The following SIRPG variants were observed in gnomAD, a reference collection of about 807,000 sequenced individuals.
SIRPG encodes signal-regulatory protein gamma.
Under a neutral mutation model 35.7 loss-of-function variants are expected in SIRPG, and 38 were observed. The ratio of observed to expected loss-of-function variants is 1.06; its 90% CI spans 0.82 to 1.40. The LOEUF (loss-of-function observed/expected upper bound fraction) is 1.40. SIRPG is among the 40% of genes most tolerant of loss of function. SIRPG has a pLI of 0.00. For missense variants in SIRPG, 519 were observed against 483.0 expected (o/e 1.07, Z -0.70); for synonymous variants, 215 against 190.4 (o/e 1.13, Z -1.06).
At chr20:1,658,990 C>T (rs571127566), upstream of SIRPG, among the ~76,000 whole-genome samples, 1 of 152,276 alleles carries the variant, frequency 6.6e-6, no homozygotes, top group South Asian at 2.1e-4. Flanking sequence ...CAAAAAGACA[C>T]TACTTCTCTG....
At chr20:1,644,698 A>C (rs1368472098) in intron 2 of SIRPG, among the ~76,000 whole-genome samples, 1 of 152,122 alleles carries the variant, frequency 6.6e-6, no homozygotes, top group Non-Finnish European at 1.5e-5. Flanking sequence ...TGGGCTCATG[A>C]GTGGGATCTC....
At chr20:1,647,159 TA>T (rs1568733682) in intron 2 of SIRPG, 2 of 152,166 alleles carry the variant, frequency 1.3e-5, no homozygotes, top group Non-Finnish European at 2.9e-5. Flanking sequence ...TCCTCATCTT[TA>T]AAGAGGCAAC....
At chr20:1,683,159 C>T in the SIRPG span, among the ~76,000 whole-genome samples, 1 of 152,168 alleles carries the variant, frequency 6.6e-6, no homozygotes, top group Non-Finnish European at 1.5e-5. Flanking sequence ...CCCAATCTTA[C>T]TATTCATCAG....
rs7270302 is a variant in SIRPG at position 1,635,851 on chromosome 20, C to A, written c.749-252G>T. ...GAATGAGTGAAATCTACAAGCACAA[C>A]CCCTGGCATGCAGTTGGAATGTAAG... is the stretch of plus-strand genomic sequence containing the variant. On this transcript the variant is annotated intron_variant, in intron 3 of 5. Coordinates refer to ENST00000303415, the MANE Select transcript of SIRPG (RefSeq NM_018556.4). Among the ~76,000 whole-genome samples the A allele has an allele frequency of 6.3e-3, 961 of 152,240 alleles. 10 individuals are homozygous for A. Among genetic ancestry groups the A allele is most frequent in the African/African-American group, 0.022 (931 of 41,524 alleles).
the SIRPG span, among the ~76,000 whole-genome samples, chr20:1,685,515 A>G: frequency 2.0e-5 from 3 of 152,194 alleles, no homozygotes; most frequent in Non-Finnish European, 2.9e-5. Flanking sequence ...ACCTCAGTAC[A>G]GACTAACCCT....
intron 1 of SIRPG, among the ~76,000 whole-genome samples, chr20:1,650,229 A>G (rs1013681407): frequency 3.2e-4 from 48 of 151,820 alleles, no homozygotes; most frequent in Admixed American, 2.1e-3. Context: ...TCAAAGAATT[A>G]ATCTCCTTTC....
At chr20:1,679,896 G>A in the SIRPG span, among the ~76,000 whole-genome samples, 86 of 152,216 alleles carry the variant, frequency 5.6e-4, no homozygotes, top group Middle Eastern at 3.4e-3. Context: ...TCAGCTTTGT[G>A]TTGCCTTTTG....
At chr20:1,660,257 C>T (rs1318645394), upstream of SIRPG, among the ~76,000 whole-genome samples, 1 of 152,094 alleles carries the variant, frequency 6.6e-6, no homozygotes, top group Non-Finnish European at 1.5e-5. Context: ...GACTAGCTGA[C>T]TATACATAAA....
the SIRPG span, among the ~76,000 whole-genome samples, chr20:1,668,249 T>TTC: frequency 2.2e-3 from 201 of 90,202 alleles, no homozygotes; most frequent in Middle Eastern, 5.0e-3. Flanking sequence ...CTTTCTTTCT[T>TTC]TTTCTTTTTC....
chr20:1,631,074 A>C (rs2091746190), intron 4 of SIRPG, among the ~76,000 whole-genome samples: 1 of 152,176 alleles, frequency 6.6e-6, no homozygotes, highest in African/African-American at 2.4e-5. Context: ...ACGGGGAAGC[A>C]CATGTTTGGA....
chr20:1,654,271 C>G (rs976763706), intron 1 of SIRPG, among the ~76,000 whole-genome samples: 1 of 151,534 alleles, frequency 6.6e-6, no homozygotes, highest in Non-Finnish European at 1.5e-5. Flanking sequence ...GATGGAAGCA[C>G]CACACTGCCT....
chr20:1,674,056 G>C, the SIRPG span, among the ~76,000 whole-genome samples: 1 of 152,302 alleles, frequency 6.6e-6, no homozygotes, highest in South Asian at 2.1e-4. Context: ...TCCACATCCA[G>C]AAAAGCTGCT....
chr20:1,680,790 T>A, the SIRPG span, among the ~76,000 whole-genome samples: 14 of 152,166 alleles, frequency 9.2e-5, no homozygotes, highest in Admixed American at 9.2e-4. Flanking sequence ...AAGGAATATA[T>A]GAAAACATTC....
chr20:1,644,531 C>T (rs557746253), intron 2 of SIRPG, among the ~76,000 whole-genome samples: 3 of 152,244 alleles, frequency 2.0e-5, no homozygotes, highest in East Asian at 3.9e-4. Context: ...GCCTATCTCC[C>T]AAGGAGCTCA....
In SIRPG at chr20:1,649,120, T is replaced by C. The variant is rs1424811521; in HGVS notation, c.362A>G (p.Lys121Arg). Residue 121 changes from lysine (K) to arginine (R), a missense_variant, in exon 2 of 6, where the codon AAG becomes AGG. Coordinates refer to ENST00000303415, the MANE Select transcript of SIRPG (RefSeq NM_018556.4). Reference sequence around the variant, plus strand: ...GTTCTCAGGGCTCCCTTTTCGAAACTTCACACAGTAGTATGTGCCGACATC... The same window carrying C: ...GTTCTCAGGGCTCCCTTTTCGAAACCTCACACAGTAGTATGTGCCGACATC... ...PADVGTYYCV[K>R]FRKGSPENVE... The C allele has an allele frequency of 1.1e-5, 18 of 1,613,808 alleles. No individual in the cohort carries two copies. The highest frequency in any genetic ancestry group is 1.4e-5 in the Non-Finnish European group (17 of 1,179,888).
At chr20:1,663,787 C>G in the SIRPG span, among the ~76,000 whole-genome samples, 1 of 152,234 alleles carries the variant, frequency 6.6e-6, no homozygotes, top group African/African-American at 2.4e-5. Flanking sequence ...AGGAAAGTTG[C>G]AGATTGTCAG....
intron 4 of SIRPG, among the ~76,000 whole-genome samples, chr20:1,634,888 A>G (rs1350176610): frequency 1.3e-5 from 2 of 151,490 alleles, no homozygotes; most frequent in Non-Finnish European, 2.9e-5. Flanking sequence ...CTAAAAATAC[A>G]AAAAATTAGT....
At chr20:1,656,099 C>T (rs1431697806) in intron 1 of SIRPG, among the ~76,000 whole-genome samples, 5 of 152,174 alleles carry the variant, frequency 3.3e-5, no homozygotes, top group Admixed American at 3.3e-4. Context: ...TTTGGGAAAA[C>T]ATACATACAC....
chr20:1,649,320 A>G lies in SIRPG; in HGVS notation c.162T>C (p.Thr54=). ...TVGKTATLHC[T]VTSLLPVGPV... is the part of the protein sequence containing the mutation. The stretch of plus-strand genomic sequence containing the variant: ...GTCCCACGGGAAGCAGGGAGGTCAC[A>G]GTGCAGTGCAGAGTGGCTGTCTTTC... Residue 54 remains threonine (T), a synonymous_variant, in exon 2 of 6, where the codon ACT becomes ACC. Coordinates refer to ENST00000303415, the MANE Select transcript of SIRPG (RefSeq NM_018556.4). 1 of 1,614,136 alleles carries G rather than the reference A, an allele frequency of 6.2e-7. No homozygotes were observed. The highest frequency in any genetic ancestry group is 8.5e-7 in the Non-Finnish European group (1 of 1,180,020).
Sources: allele counts gnomAD v4.1 joint callset (sites outside exome capture counted in the v4.1 genomes callset), GRCh38; gene constraint gnomAD v4.1.1; transcripts MANE v1.5; gene names NCBI Gene and HGNC (gene_info 2026-07-23, HGNC 2026-07-21).